Variants in MALRD1 observed in about 807,000 individuals in gnomAD.
MALRD1 encodes the protein MAM and LDL-receptor class A domain-containing protein 1.
A neutral mutation model predicts 242.1 loss-of-function variants in MALRD1; 247 were observed. The ratio of observed to expected loss-of-function variants is 1.02; its 90% CI spans 0.92 to 1.13. The LOEUF (loss-of-function observed/expected upper bound fraction) is 1.13. MALRD1 is among the 50% of genes most tolerant of loss of function. MALRD1 has a pLI of 0.00. For synonymous variants in MALRD1, 995 were observed against 866.6 expected, an observed-to-expected ratio of 1.15 and a Z score of -2.60; for missense variants, 2,989 against 2,533.1, an observed-to-expected ratio of 1.18 and a Z score of -3.86.
intron 21 of MALRD1, among the ~76,000 whole-genome samples, chr10:19,299,676 C>G (rs1354769282): frequency 6.6e-6 from 1 of 151,970 alleles, no homozygotes; most frequent in Non-Finnish European, 1.5e-5. Flanking sequence ...TTCAACATCT[C>G]TTCATGTTAA....
chr10:19,082,859 G>A (rs544801846), intron 2 of MALRD1, among the ~76,000 whole-genome samples: 42 of 151,882 alleles, frequency 2.8e-4, no homozygotes, highest in Non-Finnish European at 5.4e-4. Context: ...AGAACAAAAT[G>A]CCATAAACTG....
At chr10:19,189,535 T>A (rs1835885880) in intron 14 of MALRD1, among the ~76,000 whole-genome samples, 1 of 152,142 alleles carries the variant, frequency 6.6e-6, no homozygotes, top group African/African-American at 2.4e-5. Flanking sequence ...ATATGCTTTA[T>A]GATCGTTTAT....
chr10:19,447,711 C>T (rs1835078330), intron 28 of MALRD1, among the ~76,000 whole-genome samples: 1 of 151,226 alleles, frequency 6.6e-6, no homozygotes, highest in Non-Finnish European at 1.5e-5. Flanking sequence ...CAATATCCAG[C>T]CTGTAATATT....
intron 18 of MALRD1, among the ~76,000 whole-genome samples, chr10:19,253,146 C>T (rs1414023649): frequency 6.6e-6 from 1 of 151,642 alleles, no homozygotes; most frequent in African/African-American, 2.4e-5. Context: ...TTGGAAAATC[C>T]AATGAAAAAT....
chr10:19,248,965 A>G lies in MALRD1; in HGVS notation c.2992-8719A>G, dbSNP rs190226697. ...TTATAATATAAATTATATATTATAT[A>G]TTTTGTAATATAAATATATGTTATA... On this transcript the variant is annotated intron_variant, in intron 18 of 39. Transcript: ENST00000454679. 4.0e-4 allele frequency among the ~76,000 whole-genome samples: 58 copies of G among 146,448 alleles called. 1 individual carries two copies. In the South Asian group the frequency reaches 0.011, roughly 27 times the overall value.
chr10:19,254,850 C>G (rs1173981821), intron 18 of MALRD1, among the ~76,000 whole-genome samples: 2 of 151,784 alleles, frequency 1.3e-5, no homozygotes, highest in Non-Finnish European at 2.9e-5. Flanking sequence ...TACATGATGG[C>G]TAAAGTGAAA....
intron 29 of MALRD1, among the ~76,000 whole-genome samples, chr10:19,453,649 G>A (rs1256303496): frequency 6.6e-6 from 1 of 152,088 alleles, no homozygotes; most frequent in Non-Finnish European, 1.5e-5. Context: ...GCTGAGGCAG[G>A]TGGATTAATT....
chr10:19,447,306 T>TG, intron 28 of MALRD1, among the ~76,000 whole-genome samples: 1 of 152,192 alleles, frequency 6.6e-6, no homozygotes, highest in Non-Finnish European at 1.5e-5. Flanking sequence ...TAAACCTCCA[T>TG]TCCACATTTA....
chr10:19,408,534 TCAAA>T (rs1242776097), intron 28 of MALRD1, among the ~76,000 whole-genome samples: 9 of 152,030 alleles, frequency 5.9e-5, no homozygotes, highest in African/African-American at 2.2e-4. Flanking sequence ...GGTGATATAT[TCAAA>T]CAAAGAAAAT....
At chr10:19,231,567 T>G (rs1838071484) in intron 18 of MALRD1, among the ~76,000 whole-genome samples, 1 of 151,944 alleles carries the variant, frequency 6.6e-6, no homozygotes, top group Non-Finnish European at 1.5e-5. Context: ...CTCGTGGTAG[T>G]GAATAAGTCT....
intron 33 of MALRD1, among the ~76,000 whole-genome samples, chr10:19,582,535 A>G (rs967169664): frequency 7.4e-5 from 10 of 134,314 alleles, no homozygotes; most frequent in Non-Finnish European, 1.3e-4. Flanking sequence ...ATAGTTGTAG[A>G]TATGCGGCAT....
At chr10:19,698,004 C>T (rs1833454734) in intron 38 of MALRD1, among the ~76,000 whole-genome samples, 1 of 152,170 alleles carries the variant, frequency 6.6e-6, no homozygotes, top group Non-Finnish European at 1.5e-5. Flanking sequence ...TTTTAAGTGA[C>T]ATCTAGATGT....
At chr10:19,149,647 C>G (rs563087636) in intron 11 of MALRD1, among the ~76,000 whole-genome samples, 1 of 152,018 alleles carries the variant, frequency 6.6e-6, no homozygotes, top group African/African-American at 2.4e-5. Context: ...GGCAGTTGCT[C>G]CAAGTCATCA....
intron 26 of MALRD1, among the ~76,000 whole-genome samples, chr10:19,383,375 T>C (rs1411225810): frequency 6.6e-6 from 1 of 152,298 alleles, no homozygotes; most frequent in African/African-American, 2.4e-5. Context: ...CTGCAAATGA[T>C]ATAATCTCAT....
chr10:19,499,443 TA>T (rs1173454708), intron 31 of MALRD1, among the ~76,000 whole-genome samples: 1 of 121,568 alleles, frequency 8.2e-6, no homozygotes, highest in Non-Finnish European at 1.9e-5. Context: ...AAGGCCTGAA[TA>T]GAAAAAAAAA....
intron 36 of MALRD1, among the ~76,000 whole-genome samples, chr10:19,672,549 G>C (rs1253500090): frequency 6.6e-6 from 1 of 151,054 alleles, no homozygotes; most frequent in Non-Finnish European, 1.5e-5. Flanking sequence ...TCAGCTTCCC[G>C]AGTAGCTGGT....
At chr10:19,495,613 T>C (rs951310768) in intron 30 of MALRD1, among the ~76,000 whole-genome samples, 11 of 152,062 alleles carry the variant, frequency 7.2e-5, no homozygotes, top group African/African-American at 2.7e-4. Context: ...CACCAGCCAC[T>C]ACAAAAACAC....
At chr10:19,491,296 T>A in intron 29 of MALRD1, 3 of 706,918 alleles carry the variant, frequency 4.2e-6, no homozygotes, top group Non-Finnish European at 7.0e-6. Context: ...TTCAGCACCA[T>A]CAAAGTGCAT....
Position 19,204,433 on chromosome 10 carries a change from T to G in MALRD1, c.2210+20T>G, listed in dbSNP as rs778186175. ...CTTCTGGTAAATATTAAACAAATAT[T>G]TAAACAATATTAAACAGTTCACCCT... is the stretch of plus-strand genomic sequence containing the variant. On this transcript the variant is annotated intron_variant, in intron 16 of 39. Coordinates refer to ENST00000454679, the MANE Select transcript of MALRD1 (RefSeq NM_001142308.3). The G allele has an allele frequency of 2.8e-6, 4 of 1,442,958 alleles. No homozygotes were observed. Among genetic ancestry groups the G allele is most frequent in the Non-Finnish European group, 3.8e-6 (4 of 1,056,894 alleles). The allele number at this position is 1,442,958 out of a possible 1,614,324, so 89.4% of individuals were successfully genotyped here. A position where few individuals can be genotyped will look rare whatever the true frequency, so the allele number is the denominator to read the frequency against.
Sources: allele counts gnomAD v4.1 joint callset (sites outside exome capture counted in the v4.1 genomes callset), GRCh38; gene constraint gnomAD v4.1.1; transcripts MANE v1.5; gene names NCBI Gene and HGNC (gene_info 2026-07-23, HGNC 2026-07-21).